Variants in OPCML observed in about 807,000 individuals in gnomAD.
OPCML encodes opioid binding protein/cell adhesion molecule like.
A neutral mutation model predicts 37.8 loss-of-function variants in OPCML; 13 were observed. That is an observed-to-expected ratio of 0.34 (90% confidence interval 0.22 to 0.55). OPCML has a LOEUF of 0.55. Ranked by LOEUF, OPCML falls within the 20% of genes least tolerant of loss-of-function variation. OPCML has a pLI of 0.91. For synonymous variants in OPCML, 176 were observed against 168.8 expected (o/e 1.04, Z -0.33); for missense variants, 341 against 435.6 (o/e 0.78, Z 1.93).
At chr11:132,508,469 A>AAAG (rs398115987) in intron 4 of OPCML, among the ~76,000 whole-genome samples, 1 of 151,762 alleles carries the variant, frequency 6.6e-6, no homozygotes, top group African/African-American at 2.4e-5. Context: ...GCCAAAAAAA[A>AAAG]CATTGGACAA....
intron 1 of OPCML, among the ~76,000 whole-genome samples, chr11:133,490,433 T>G (rs2120436083): frequency 6.6e-6 from 1 of 152,308 alleles, no homozygotes; most frequent in East Asian, 1.9e-4. Context: ...AAGACATAAA[T>G]TGATACAGCC....
At chr11:133,292,719 T>C (rs1160460517) in intron 1 of OPCML, among the ~76,000 whole-genome samples, 2 of 152,182 alleles carry the variant, frequency 1.3e-5, no homozygotes, top group African/African-American at 4.8e-5. Context: ...CTTATTGCAT[T>C]CTGCTAGAAT....
chr11:132,578,091 G>A (rs1483891927), intron 3 of OPCML, among the ~76,000 whole-genome samples: 2 of 152,130 alleles, frequency 1.3e-5, no homozygotes, highest in Non-Finnish European at 2.9e-5. Flanking sequence ...ACTTTACCTG[G>A]TGTCTAAGTT....
chr11:133,403,167 T>C (rs181198539), intron 1 of OPCML, among the ~76,000 whole-genome samples: 2 of 152,332 alleles, frequency 1.3e-5, no homozygotes, highest in East Asian at 3.9e-4. Context: ...CCTTAGGCAA[T>C]GTGTAAATCT....
chr11:132,489,914 C>T (rs1754168100), intron 4 of OPCML, among the ~76,000 whole-genome samples: 1 of 152,084 alleles, frequency 6.6e-6, no homozygotes, highest in Non-Finnish European at 1.5e-5. Context: ...TTGTTCAGCT[C>T]CCATTTATGA....
In OPCML at chr11:133,211,624, G is replaced by T. The variant is rs1230869268; in HGVS notation, c.62-268614C>A. On this transcript the variant is annotated intron_variant, in intron 1 of 7. Transcript: ENST00000524381. This position sits in a 1 kb window ranked among gnomAD's most constrained non-coding sequence, Gnocchi z 4.1. ...TAGAAGGGAGCTGAGGTACCCAGAG[G>T]CCCTTCCCTAATAGCTGGAATTGTA... 2.6e-5 allele frequency among the ~76,000 whole-genome samples: 4 copies of T among 152,184 alleles called. No individual in the cohort carries two copies. Among genetic ancestry groups the T allele is most frequent in the African/African-American group, 9.6e-5 (4 of 41,454 alleles).
chr11:132,742,055 T>G (rs1945450653), intron 2 of OPCML, among the ~76,000 whole-genome samples: 1 of 151,758 alleles, frequency 6.6e-6, no homozygotes, highest in South Asian at 2.1e-4. Flanking sequence ...AAAAAATAAA[T>G]AAAAGCATTT....
At chr11:133,455,660 T>C (rs565100011) in intron 1 of OPCML, among the ~76,000 whole-genome samples, 2 of 152,304 alleles carry the variant, frequency 1.3e-5, no homozygotes, top group South Asian at 2.1e-4. Context: ...CCAGGTACTA[T>C]GTAAAAGTGC....
At chr11:133,515,665 T>C (rs899747922) in intron 1 of OPCML, among the ~76,000 whole-genome samples, 10 of 151,854 alleles carry the variant, frequency 6.6e-5, no homozygotes, top group African/African-American at 1.9e-4. Flanking sequence ...ACACAGAAGA[T>C]GGATTGTAAT....
chr11:133,147,424 A>G (rs534713232), intron 1 of OPCML, among the ~76,000 whole-genome samples: 5 of 152,136 alleles, frequency 3.3e-5, no homozygotes. Flanking sequence ...CATCTTGAGC[A>G]GACAGGACAC....
chr11:133,000,251 T>C (rs1946973699), intron 1 of OPCML, among the ~76,000 whole-genome samples: 1 of 152,010 alleles, frequency 6.6e-6, no homozygotes, highest in Non-Finnish European at 1.5e-5. Flanking sequence ...TAGCTGGGAT[T>C]ACAGGCACGC....
intron 1 of OPCML, among the ~76,000 whole-genome samples, chr11:133,377,664 C>T (rs1944843179): frequency 6.7e-6 from 1 of 148,768 alleles, no homozygotes. Flanking sequence ...TTAGAGCAGA[C>T]ATGTGCTAAT....
chr11:132,935,156 A>T (rs1945329686), intron 2 of OPCML, among the ~76,000 whole-genome samples: 1 of 151,814 alleles, frequency 6.6e-6, no homozygotes, highest in South Asian at 2.1e-4. Flanking sequence ...AAAAAAAAAA[A>T]GCTACATATT....
chr11:133,236,940 T>C (rs1940544961), intron 1 of OPCML, among the ~76,000 whole-genome samples: 1 of 152,222 alleles, frequency 6.6e-6, no homozygotes, highest in South Asian at 2.1e-4. Context: ...TTGTTCAATG[T>C]ACTCTCGTGG....
At chr11:133,196,552 C>T (rs1592093891) in intron 1 of OPCML, among the ~76,000 whole-genome samples, 1 of 152,262 alleles carries the variant, frequency 6.6e-6, no homozygotes, top group African/African-American at 2.4e-5. Flanking sequence ...TAAGCACCAA[C>T]TCTGAAATGT....
chr11:132,744,668 G>T (rs951212224), intron 2 of OPCML, among the ~76,000 whole-genome samples: 16 of 152,214 alleles, frequency 1.1e-4, no homozygotes, highest in Middle Eastern at 3.2e-3. Context: ...GCACTGCCAC[G>T]GAGAGCCATA....
intron 4 of OPCML, among the ~76,000 whole-genome samples, chr11:132,471,411 C>T (rs1565590413): frequency 1.3e-5 from 2 of 152,208 alleles, no homozygotes; most frequent in African/African-American, 2.4e-5. Context: ...TTTGTTGTCT[C>T]TCATGGTGTC....
intron 2 of OPCML, among the ~76,000 whole-genome samples, chr11:132,792,875 C>T (rs1278467590): frequency 1.3e-5 from 2 of 152,198 alleles, no homozygotes; most frequent in Non-Finnish European, 2.9e-5. Context: ...CACAGCAGCG[C>T]CCGTGTCTGT....
At chr11:132,728,171 C>T (rs1944953019) in intron 2 of OPCML, among the ~76,000 whole-genome samples, 1 of 152,242 alleles carries the variant, frequency 6.6e-6, no homozygotes, top group Non-Finnish European at 1.5e-5. Context: ...GCCCGCCCAC[C>T]CCGGACAGCG....
Sources: allele counts gnomAD v4.1 joint callset (sites outside exome capture counted in the v4.1 genomes callset), GRCh38; gene constraint gnomAD v4.1.1; non-coding constraint Gnocchi (gnomAD v3.1); transcripts MANE v1.5; gene names NCBI Gene and HGNC (gene_info 2026-07-23, HGNC 2026-07-21).